SNED1: variants seen among roughly 807,000 people sequenced by gnomAD.
SNED1 encodes the protein sushi, nidogen and EGF like domains 1, also known as sushi, nidogen and EGF-like domain-containing protein 1.
A neutral mutation model predicts 166.7 loss-of-function variants in SNED1; 81 were observed. That is an observed-to-expected ratio of 0.49 (90% CI 0.41 to 0.58). SNED1 has a LOEUF of 0.58. Among genes scored for constraint, SNED1 ranks in the 20% least tolerant of loss-of-function variants. The probability of loss-of-function intolerance (pLI) is 0.00; values close to 1 mark genes in which losing one functional copy is unlikely to be tolerated. For synonymous variants in SNED1, 762 were observed against 822.0 expected, an observed-to-expected ratio of 0.93 and a Z score of 1.25; for missense variants, 1,604 against 2,000.2, an observed-to-expected ratio of 0.80 and a Z score of 3.78.
In SNED1 at chr2:241,075,631, G is replaced by A. The variant is rs752365606; in HGVS notation, c.3916+2267G>A. On this transcript the variant is annotated intron_variant, in intron 27 of 31. Transcript: ENST00000310397. The surrounding 1 kb of genome is among the most constrained non-coding windows in gnomAD (Gnocchi z 4.8). ...TCCTTTGTCAGGTCTGTGTTCTGCA[G>A]GTATCTTCCTCCAGCCTCTGGCTTG... is the stretch of plus-strand genomic sequence containing the variant. 6.6e-6 allele frequency: 1 copy of A among 151,780 alleles called. No individual in the cohort carries two copies. Among genetic ancestry groups the A allele is most frequent in the Non-Finnish European group, 1.5e-5 (1 of 67,938 alleles). The allele number at this position is 151,780 out of a possible 1,614,324, so 9.4% of individuals were successfully genotyped here.
chr2:241,013,800 A>G lies in SNED1; in HGVS notation c.213+14750A>G, dbSNP rs868474979. On this transcript the variant is annotated intron_variant, in intron 1 of 31. Transcript: ENST00000310397. The surrounding 1 kb of genome is among the most constrained non-coding windows in gnomAD (Gnocchi z 4.6). ...TTCCCTTGTGTGTACATATGTCTGTATATATACACCACATTTTGTTTATCC... is the reference window on the plus strand; with the variant it reads ...TTCCCTTGTGTGTACATATGTCTGTGTATATACACCACATTTTGTTTATCC... Among the ~76,000 whole-genome samples, 1 of 152,146 alleles carries G rather than the reference A, an allele frequency of 6.6e-6. No homozygotes were observed. Among genetic ancestry groups the G allele is most frequent in the South Asian group, 2.1e-4 (1 of 4,828 alleles).
In SNED1 at chr2:241,037,322, G is replaced by A. The variant is rs191288474; in HGVS notation, c.1014G>A (p.Pro338=). Residue 338 remains proline, a synonymous_variant, in exon 6 of 32, where the codon CCG becomes CCA. Transcript: ENST00000310397. ...HGINSFRCQC[P]AGFGGPTCET... is the part of the protein sequence containing the mutation. ...TCAACAGTTTCCGCTGCCAGTGCCC[G>A]GCTGGCTTTGGGGGACCCACCTGTG... 5.4e-3 allele frequency: 8,727 copies of A among 1,609,730 alleles called. 35 individuals carry two copies. The highest frequency in any genetic ancestry group is 6.8e-3 in the Non-Finnish European group (8,000 of 1,178,490).
At chr2:241,023,713 A>G (rs2060839060) in intron 1 of SNED1, among the ~76,000 whole-genome samples, 1 of 152,046 alleles carries the variant, frequency 6.6e-6, no homozygotes, top group Admixed American at 6.5e-5. Context: ...GAGCTCTTAT[A>G]TCTTTATCAT....
intron 1 of SNED1, among the ~76,000 whole-genome samples, chr2:241,024,928 C>A (rs1375246651): frequency 6.6e-6 from 1 of 152,196 alleles, no homozygotes. Context: ...TGTGCCTCAG[C>A]CTCCCAAAGT....
chr2:241,002,930 C>T (rs2060118772), intron 1 of SNED1, among the ~76,000 whole-genome samples: 1 of 152,088 alleles, frequency 6.6e-6, no homozygotes, highest in Admixed American at 6.5e-5. Flanking sequence ...CTACTTGGAC[C>T]ACTTCCCAGC....
chr2:241,030,654 A>G, intron 2 of SNED1, 83 bp downstream of exon 2: 1 of 1,419,118 alleles, frequency 7.0e-7, no homozygotes, highest in Non-Finnish European at 9.7e-7. Context: ...CCTCTTGCTG[A>G]TGTGGGTGTG....
rs1559249017 is a variant in SNED1 at position 241,037,239 on chromosome 2, G to C, written c.932-1G>C. ...AGGCCTCAGCCTGCCCCATGTTTCA[G>C]ACGTGAACGAATGTGCCTCCCAGCC... On this transcript the variant is annotated splice_acceptor_variant, in intron 5 of 31. Coordinates refer to ENST00000310397, the MANE Select transcript of SNED1 (RefSeq NM_001080437.3). LOFTEE classifies it high-confidence loss of function. The C allele has an allele frequency of 6.2e-7, 1 of 1,606,836 alleles. No homozygotes were observed.
intron 14 of SNED1, 68 bp from the exon 15 acceptor site, chr2:241,052,287 G>A: frequency 3.4e-6 from 5 of 1,464,098 alleles, no homozygotes; most frequent in Non-Finnish European, 4.7e-6. Context: ...GCAGGAGGCA[G>A]GATGCCCCAC....
chr2:241,041,891 C>T (rs2061530962), intron 8 of SNED1, among the ~76,000 whole-genome samples: 1 of 152,200 alleles, frequency 6.6e-6, no homozygotes, highest in South Asian at 2.1e-4. Context: ...TGGAATTTCC[C>T]TCTCACCATC....
At chr2:241,035,442 G>A (rs73110160) in intron 4 of SNED1, 8,767 of 152,294 alleles carry the variant, frequency 0.058, 587 homozygotes, top group African/African-American at 0.16. Flanking sequence ...GCTGCTGTGC[G>A]GCCTTGGGAG....
rs2064018641 is a variant in SNED1, at chr2:241,091,696, A to G, written c.*60A>G. 6.6e-6 allele frequency: 1 copy of G among 152,264 alleles called. No individual in the cohort carries two copies. Among genetic ancestry groups the G allele is most frequent in the Non-Finnish European group, 1.5e-5 (1 of 68,056 alleles). 9.4% of individuals were successfully genotyped at this position (152,264 alleles called of 1,614,324 possible). A position where few individuals can be genotyped will look rare whatever the true frequency, so the allele number is the denominator to read the frequency against. ...TCACGAGTTTCTAACACCCAGGAAG[A>G]TGAGGTCTAAAAACTGGATGAAAAA... On this transcript the variant is annotated 3_prime_UTR_variant, in exon 32 of 32. Coordinates refer to ENST00000310397, the MANE Select transcript of SNED1 (RefSeq NM_001080437.3). The surrounding 1 kb of genome is among the most constrained non-coding windows in gnomAD (Gnocchi z 4.1).
rs2062530858 is a variant in SNED1, at chr2:241,067,928, G to C, written c.3175G>C (p.Val1059Leu). ...CCAGGCCACCGATGTGGACAGGAGTGTGGACAGGTTCACCTTTAGGTAAGA... is the reference window on the plus strand; with the variant it reads ...CCAGGCCACCGATGTGGACAGGAGTCTGGACAGGTTCACCTTTAGGTAAGA... ...RDQATDVDRS[V>L]DRFTFRALLP... Residue 1059 changes from valine (V) to leucine (L), a missense_variant, in exon 22 of 32, where the codon GTG (valine) becomes CTG (leucine). By Grantham distance (32) the Val-to-Leu change is conservative. Around this residue, in one of 2 missense-constraint regions of SNED1, gnomAD observed 1,237 missense variants for 1,620.8 expected, o/e 0.76. Coordinates refer to ENST00000310397, the MANE Select transcript of SNED1 (RefSeq NM_001080437.3). 2 of 1,612,156 alleles carry C rather than the reference G, an allele frequency of 1.2e-6. No homozygotes were observed. The highest frequency in any genetic ancestry group is 4.5e-5 in the East Asian group (2 of 44,822).
At chr2:241,052,559 C>A (rs1208555069) in intron 15 of SNED1, 91 bp downstream of exon 15, 1 of 1,009,138 alleles carries the variant, frequency 9.9e-7, no homozygotes, top group African/African-American at 1.7e-5. Flanking sequence ...ACATGGGATA[C>A]CAGTGCCAGG....
rs191296447 is a variant in SNED1 at position 241,065,905 on chromosome 2, G to A, written c.3010+310G>A. ...GGGAGGAATGGGGGCTTCCCAAAAGGGTCCCTAGAAGGAGCCAGTGTGGGA... is the reference window on the plus strand; with the variant it reads ...GGGAGGAATGGGGGCTTCCCAAAAGAGTCCCTAGAAGGAGCCAGTGTGGGA... On this transcript the variant is annotated intron_variant, in intron 21 of 31. Transcript: ENST00000310397. 5.5e-3 allele frequency among the ~76,000 whole-genome samples: 837 copies of A among 152,152 alleles called. 4 individuals carry two copies. Among genetic ancestry groups the A allele is most frequent in the Middle Eastern group, 0.014 (4 of 294 alleles).
chr2:241,089,497 G>A (rs977773521), intron 31 of SNED1: 25 of 1,449,430 alleles, frequency 1.7e-5, no homozygotes, highest in Admixed American at 2.4e-5. Context: ...GGTCTGGGCC[G>A]GAGCTCCGCA....
intron 29 of SNED1, 71 bp downstream of exon 29, chr2:241,082,435 A>G (rs989053363): frequency 8.3e-7 from 1 of 1,209,428 alleles, no homozygotes; most frequent in Non-Finnish European, 1.2e-6. Context: ...TGCTGTCTCA[A>G]AGCTACCCAG....
At position 241,093,979 on chromosome 2, in the gene SNED1, C is replaced by A. The variant is rs78834190; in HGVS notation, c.*2343C>A. The stretch of plus-strand genomic sequence containing the variant: ...AACCGGGATGGACTGATCATCTAAC[C>A]AAGTGCAGACTGAGGATTCTACTTA... On this transcript the variant is annotated 3_prime_UTR_variant, in exon 32 of 32. Coordinates refer to ENST00000310397, the MANE Select transcript of SNED1 (RefSeq NM_001080437.3). 0.17 allele frequency: 34,557 copies of A among 199,880 alleles called. 3,241 individuals carry two copies. The highest frequency in any genetic ancestry group is 0.24 in the Middle Eastern group (115 of 476). 12.4% of individuals were successfully genotyped at this position (199,880 alleles called of 1,614,324 possible).
chr2:241,088,549 C>T (rs1001379056), intron 31 of SNED1, 147 bp downstream of exon 31: 2 of 681,508 alleles, frequency 2.9e-6, no homozygotes, highest in Non-Finnish European at 5.1e-6. Flanking sequence ...GTTACAGACT[C>T]CCGGGCAGGA....
At chr2:241,038,919 G>T (rs2061447135) in intron 6 of SNED1, among the ~76,000 whole-genome samples, 1 of 152,334 alleles carries the variant, frequency 6.6e-6, no homozygotes, top group East Asian at 1.9e-4. Context: ...TATGCCCCAG[G>T]CTCCAGGAGC....
Sources: gnomAD v4.1 joint callset for allele counts (sites outside exome capture counted in the v4.1 genomes callset) on GRCh38, gnomAD v4.1.1 for gene constraint, gnomAD v4.1.1 regional missense constraint, Gnocchi (gnomAD v3.1) non-coding constraint, MANE v1.5 for transcripts, NCBI Gene and HGNC (gene_info 2026-07-23, HGNC 2026-07-21) for gene names.